Variants in CPEB3 observed in about 807,000 individuals in gnomAD.
CPEB3 encodes the protein cytoplasmic polyadenylation element binding protein 3.
A neutral mutation model predicts 67.2 loss-of-function variants in CPEB3; 20 were observed. The ratio of observed to expected loss-of-function variants is 0.30; its 90% CI spans 0.21 to 0.43. CPEB3 has a LOEUF of 0.43. CPEB3 is among the 20% of genes least tolerant of loss of function. The probability of loss-of-function intolerance (pLI) is 1.00; values close to 1 mark genes in which losing one functional copy is unlikely to be tolerated. For missense variants in CPEB3, 746 were observed against 968.6 expected (o/e 0.77, Z 3.05); for synonymous variants, 376 against 393.1 (o/e 0.96, Z 0.51).
chr10:92,241,435 T>C (rs752726854), intron 1 of CPEB3, among the ~76,000 whole-genome samples: 37 of 152,328 alleles, frequency 2.4e-4, no homozygotes, highest in Non-Finnish European at 3.4e-4. Context: ...CACAAGACTT[T>C]GGCAAATTTA....
intron 2 of CPEB3, among the ~76,000 whole-genome samples, chr10:92,217,206 CAAAAA>C (rs1163974877): frequency 0.017 from 441 of 25,352 alleles, 2 homozygotes; most frequent in African/African-American, 0.078. Context: ...GACTCTGCCT[CAAAAA>C]AAAAAAAAAA....
intron 6 of CPEB3, among the ~76,000 whole-genome samples, chr10:92,129,906 G>C (rs962396453): frequency 6.6e-6 from 1 of 151,972 alleles, no homozygotes; most frequent in African/African-American, 2.4e-5. Context: ...AATAAGCCAG[G>C]CATGGTAGTG....
intron 7 of CPEB3, among the ~76,000 whole-genome samples, chr10:92,098,164 A>T (rs1843980324): frequency 4.3e-5 from 1 of 23,070 alleles, no homozygotes; most frequent in East Asian, 8.2e-4. Flanking sequence ...TCTGCCTAAA[A>T]AAAAAAAAAA....
intron 2 of CPEB3, among the ~76,000 whole-genome samples, chr10:92,220,225 A>G (rs1850627189): frequency 6.6e-6 from 1 of 152,168 alleles, no homozygotes; most frequent in Non-Finnish European, 1.5e-5. Context: ...TGAAAGTAAA[A>G]TTTAAAACTT....
intron 9 of CPEB3, among the ~76,000 whole-genome samples, chr10:92,059,694 C>G (rs1413177492): frequency 6.6e-6 from 1 of 151,882 alleles, no homozygotes; most frequent in African/African-American, 2.4e-5. Context: ...AACTTTTAGC[C>G]AGACTAAGAA....
chr10:92,231,771 G>A (rs1167968144), intron 2 of CPEB3, among the ~76,000 whole-genome samples: 6 of 152,116 alleles, frequency 3.9e-5, no homozygotes, highest in Non-Finnish European at 5.9e-5. Flanking sequence ...CCAGGCTGGA[G>A]TGCAATGGCG....
intron 1 of CPEB3, among the ~76,000 whole-genome samples, chr10:92,270,709 C>A (rs562837012): frequency 6.7e-6 from 1 of 150,230 alleles, no homozygotes; most frequent in Admixed American, 6.7e-5. Context: ...ACTACAAGTG[C>A]GCACCACCAT....
At chr10:92,128,736 T>C (rs1005230915) in intron 6 of CPEB3, among the ~76,000 whole-genome samples, 7 of 151,844 alleles carry the variant, frequency 4.6e-5, no homozygotes, top group Non-Finnish European at 1.0e-4. Flanking sequence ...CCAACAAACA[T>C]GAAAAAAAGC....
intron 1 of CPEB3, chr10:92,272,084 C>A (rs1258891361): frequency 1.3e-5 from 2 of 152,086 alleles, no homozygotes; most frequent in Non-Finnish European, 2.9e-5. Context: ...TTCAAAATAT[C>A]TGACTTGGTC....
chr10:92,217,935 T>C (rs1173406367), intron 2 of CPEB3, among the ~76,000 whole-genome samples: 1 of 152,060 alleles, frequency 6.6e-6, no homozygotes, highest in Non-Finnish European at 1.5e-5. Flanking sequence ...CTGGCCAACA[T>C]GGCAAAACCC....
At chr10:92,074,315 T>G (rs534557795) in intron 9 of CPEB3, among the ~76,000 whole-genome samples, 1 of 152,280 alleles carries the variant, frequency 6.6e-6, no homozygotes, top group South Asian at 2.1e-4. Context: ...CAAAAATAAT[T>G]AATGTGTGTC....
intron 1 of CPEB3, among the ~76,000 whole-genome samples, chr10:92,280,882 C>T (rs1292626096): frequency 1.3e-5 from 2 of 150,430 alleles, no homozygotes; most frequent in African/African-American, 4.9e-5. Context: ...GCCTCAGCCT[C>T]CTGAGTAGCT....
At chr10:92,272,044 T>C (rs894747299) in intron 1 of CPEB3, 1 of 152,184 alleles carries the variant, frequency 6.6e-6, no homozygotes. Context: ...ATTCTATTCG[T>C]TATAATTCAT....
At chr10:92,232,960 G>A (rs377105727) in intron 2 of CPEB3, among the ~76,000 whole-genome samples, 2 of 152,066 alleles carry the variant, frequency 1.3e-5, no homozygotes, top group Non-Finnish European at 2.9e-5. Flanking sequence ...TTATATTAAC[G>A]TTTCTAGTAG....
chr10:92,144,064 T>A (rs1472676211), intron 5 of CPEB3, among the ~76,000 whole-genome samples: 1 of 152,222 alleles, frequency 6.6e-6, no homozygotes, highest in Non-Finnish European at 1.5e-5. Context: ...TTGCTTAAGT[T>A]AACTTTGTCA....
chr10:92,192,233 T>C (rs1157780617), intron 3 of CPEB3, among the ~76,000 whole-genome samples: 3 of 152,164 alleles, frequency 2.0e-5, no homozygotes, highest in Admixed American at 6.5e-5. Flanking sequence ...TAACTCATAA[T>C]GTGACTAACC....
intron 1 of CPEB3, among the ~76,000 whole-genome samples, chr10:92,259,399 C>G (rs368766118): frequency 3.3e-5 from 5 of 151,808 alleles, no homozygotes; most frequent in African/African-American, 7.2e-5. Flanking sequence ...GTCAGGAGTT[C>G]GAGATAAGCC....
intron 9 of CPEB3, among the ~76,000 whole-genome samples, 169 bp from the exon 10 acceptor site, chr10:92,052,608 T>A (rs1441024631): frequency 6.6e-6 from 1 of 152,262 alleles, no homozygotes; most frequent in African/African-American, 2.4e-5. Context: ...AATAAGCTCC[T>A]TGATTTACAT....
intron 2 of CPEB3, among the ~76,000 whole-genome samples, chr10:92,215,884 G>T (rs993055762): frequency 2.0e-5 from 3 of 150,742 alleles, no homozygotes; most frequent in Admixed American, 1.3e-4. Flanking sequence ...GAGTAGGCTG[G>T]AACTACAGGT....
Sources: gnomAD v4.1 joint callset for allele counts (sites outside exome capture counted in the v4.1 genomes callset) on GRCh38, gnomAD v4.1.1 for gene constraint, MANE v1.5 for transcripts, NCBI Gene and HGNC (gene_info 2026-07-23, HGNC 2026-07-21) for gene names.